GABRB2: variants seen among roughly 807,000 people sequenced by gnomAD.
GABRB2 encodes gamma-aminobutyric acid receptor subunit beta-2.
A neutral mutation model predicts 54.7 loss-of-function variants in GABRB2; 16 were observed. The observed-to-expected ratio is 0.29, with a 90% CI of 0.20 to 0.44. The LOEUF is 0.44. Ranked by LOEUF, GABRB2 falls within the 20% of genes least tolerant of loss-of-function variation. The probability of loss-of-function intolerance (pLI) is 1.00; values close to 1 mark genes in which losing one functional copy is unlikely to be tolerated. For missense variants in GABRB2, 355 were observed against 644.0 expected, an observed-to-expected ratio of 0.55 and a Z score of 4.86; for synonymous variants, 244 against 233.8, an observed-to-expected ratio of 1.04 and a Z score of -0.40.
intron 3 of GABRB2, among the ~76,000 whole-genome samples, chr5:161,544,696 A>T (rs903508438): frequency 2.0e-5 from 3 of 152,132 alleles, no homozygotes; most frequent in Non-Finnish European, 4.4e-5. Context: ...GGTGGGCAGG[A>T]GGGATTAAAG....
chr5:161,366,929 CAG>C (rs1339637193), intron 5 of GABRB2, among the ~76,000 whole-genome samples: 2 of 152,060 alleles, frequency 1.3e-5, no homozygotes, highest in Non-Finnish European at 2.9e-5. Context: ...GCCTGGGCAA[CAG>C]AGAAAGACTC....
At position 161,294,111 on chromosome 5, in the gene GABRB2, G is replaced by A. The variant is rs756795443; in HGVS notation, c.1509C>T (p.Asn503=). The change falls in exon 10 of 10, where the codon AAC becomes AAT. Residue 503 remains asparagine, a synonymous_variant. Transcript: ENST00000393959. ...IFFPVVFSFF[N]IVYWLYYVN ...TCACATAATAAAGCCAATAGACGAT[G>A]TTGAAGAAGGAAAAAACCACTGGGA... 1.2e-6 allele frequency: 2 copies of A among 1,613,602 alleles called. No homozygotes were observed. The highest frequency in any genetic ancestry group is 2.2e-5 in the East Asian group (1 of 44,866).
intron 3 of GABRB2, among the ~76,000 whole-genome samples, chr5:161,537,123 T>C (rs1020886919): frequency 6.6e-6 from 1 of 152,214 alleles, no homozygotes; most frequent in Non-Finnish European, 1.5e-5. Flanking sequence ...GACATGATTA[T>C]CTGGAGTATC....
At chr5:161,326,998 G>T in intron 8 of GABRB2, 1 of 983,020 alleles carries the variant, frequency 1.0e-6, no homozygotes, top group Non-Finnish European at 1.2e-6. Context: ...GAAGCTACGG[G>T]CAAGAACAGT....
chr5:161,493,014 C>T (rs574918083), intron 3 of GABRB2, among the ~76,000 whole-genome samples: 1 of 151,614 alleles, frequency 6.6e-6, no homozygotes, highest in South Asian at 2.1e-4. Context: ...TGCACTAATG[C>T]CAGCATTTCT....
chr5:161,510,010 A>T (rs1364798819), intron 3 of GABRB2, among the ~76,000 whole-genome samples: 1 of 151,876 alleles, frequency 6.6e-6, no homozygotes, highest in African/African-American at 2.4e-5. Flanking sequence ...TATACATAGT[A>T]GGTGTGTACA....
chr5:161,318,132 A>T (rs1277293262), intron 9 of GABRB2, among the ~76,000 whole-genome samples: 3 of 152,032 alleles, frequency 2.0e-5, no homozygotes, highest in Non-Finnish European at 4.4e-5. Context: ...TGCTTTAAAA[A>T]TGTAATTAGA....
At chr5:161,394,338 A>G (rs1046375604) in intron 5 of GABRB2, among the ~76,000 whole-genome samples, 1 of 151,948 alleles carries the variant, frequency 6.6e-6, no homozygotes, top group Non-Finnish European at 1.5e-5. Context: ...AATACAAAGG[A>G]AGTGCAGGAA....
intron 3 of GABRB2, among the ~76,000 whole-genome samples, chr5:161,502,401 A>C (rs1759473187): frequency 6.6e-6 from 1 of 152,172 alleles, no homozygotes. Flanking sequence ...GAATTGGGCT[A>C]ATCTACAAAT....
intron 5 of GABRB2, among the ~76,000 whole-genome samples, chr5:161,371,023 C>A (rs1479830569): frequency 6.6e-6 from 1 of 152,102 alleles, no homozygotes; most frequent in Non-Finnish European, 1.5e-5. Flanking sequence ...TAGAATAATT[C>A]CTACACTTTT....
chr5:161,318,192 T>C (rs1758100504), intron 9 of GABRB2, among the ~76,000 whole-genome samples: 1 of 151,954 alleles, frequency 6.6e-6, no homozygotes, highest in Admixed American at 6.5e-5. Flanking sequence ...CTGATAAGAT[T>C]GGTAAGAGAG....
intron 3 of GABRB2, among the ~76,000 whole-genome samples, chr5:161,515,852 T>C (rs1210837866): frequency 6.6e-6 from 1 of 152,096 alleles, no homozygotes; most frequent in Non-Finnish European, 1.5e-5. Flanking sequence ...AAAACAGACA[T>C]AGTAACATAG....
chr5:161,498,652 G>A (rs1400052750), intron 3 of GABRB2, among the ~76,000 whole-genome samples: 2 of 152,118 alleles, frequency 1.3e-5, no homozygotes, highest in Non-Finnish European at 2.9e-5. Flanking sequence ...CTTGGAACAT[G>A]ATCTGGGTCC....
At chr5:161,307,712 C>T (rs1757729508) in intron 9 of GABRB2, among the ~76,000 whole-genome samples, 1 of 152,074 alleles carries the variant, frequency 6.6e-6, no homozygotes. Context: ...AGCCTACCCT[C>T]ATGTCTGACA....
intron 5 of GABRB2, among the ~76,000 whole-genome samples, chr5:161,377,584 T>A (rs1755345879): frequency 1.3e-5 from 2 of 152,286 alleles, no homozygotes; most frequent in Middle Eastern, 3.4e-3. Flanking sequence ...TTCTAATGCC[T>A]GCTGAACAGA....
chr5:161,416,752 C>A, intron 4 of GABRB2, among the ~76,000 whole-genome samples: 1 of 126,762 alleles, frequency 7.9e-6, no homozygotes, highest in Non-Finnish European at 1.7e-5. Flanking sequence ...TAACTATATT[C>A]AAAACATATT....
chr5:161,433,916 CT>C (rs929869198), intron 4 of GABRB2, among the ~76,000 whole-genome samples: 7 of 150,290 alleles, frequency 4.7e-5, no homozygotes, highest in African/African-American at 1.7e-4. Context: ...AAGAGTTAAA[CT>C]TCTTAGAAAA....
intron 3 of GABRB2, among the ~76,000 whole-genome samples, chr5:161,470,852 C>T (rs1758416876): frequency 6.6e-6 from 1 of 152,088 alleles, no homozygotes; most frequent in African/African-American, 2.4e-5. Flanking sequence ...AAGTCAGAAA[C>T]CATGTCATCA....
intron 7 of GABRB2, among the ~76,000 whole-genome samples, chr5:161,332,302 A>C (rs71605488): frequency 0.017 from 2,598 of 152,284 alleles, 33 homozygotes; most frequent in Non-Finnish European, 0.025. Flanking sequence ...AATATCAATA[A>C]ATGATTATAA....
Sources: gnomAD v4.1 joint callset for allele counts (sites outside exome capture counted in the v4.1 genomes callset) on GRCh38, gnomAD v4.1.1 for gene constraint, MANE v1.5 for transcripts, NCBI Gene and HGNC (gene_info 2026-07-23, HGNC 2026-07-21) for gene names.